Variants in GON4L observed in about 807,000 individuals in gnomAD.
GON4L encodes the protein gon-4 like.
Under a neutral mutation model 211.8 loss-of-function variants are expected in GON4L, and 87 were observed. That is an observed-to-expected ratio of 0.41 (90% confidence interval 0.35 to 0.49). The LOEUF is 0.49. Ranked by LOEUF, GON4L falls within the 20% of genes least tolerant of loss-of-function variation. The pLI, the probability that GON4L is intolerant of heterozygous loss-of-function variation, is 0.15. For synonymous variants in GON4L, 875 were observed against 962.6 expected, an observed-to-expected ratio of 0.91 and a Z score of 1.68; for missense variants, 2,155 against 2,659.5, an observed-to-expected ratio of 0.81 and a Z score of 4.17.
chr1:155,827,924 G>A (rs759551781), intron 2 of GON4L, among the ~76,000 whole-genome samples: 14 of 151,966 alleles, frequency 9.2e-5, no homozygotes, highest in Non-Finnish European at 1.6e-4. Flanking sequence ...CAGGAAGATC[G>A]CTTTAGCCAG....
intron 21 of GON4L, among the ~76,000 whole-genome samples, chr1:155,763,769 G>A (rs1329190373): frequency 6.6e-6 from 1 of 152,118 alleles, no homozygotes; most frequent in Non-Finnish European, 1.5e-5. Flanking sequence ...TTGGGAGGCC[G>A]AGGTGGGTGG....
intron 3 of GON4L, among the ~76,000 whole-genome samples, chr1:155,822,829 T>C (rs1267467235): frequency 6.6e-6 from 1 of 152,206 alleles, no homozygotes; most frequent in African/African-American, 2.4e-5. Flanking sequence ...GTTTTCGCTC[T>C]TTGTTGCCCA....
intron 17 of GON4L, among the ~76,000 whole-genome samples, chr1:155,773,864 C>T (rs1663478916): frequency 6.6e-6 from 1 of 152,124 alleles, no homozygotes; most frequent in Admixed American, 6.6e-5. Context: ...AGCAACAGGT[C>T]AACAGATGTG....
At chr1:155,800,548 ACT>A (rs113355762) in intron 11 of GON4L, among the ~76,000 whole-genome samples, 9,895 of 143,744 alleles carry the variant, frequency 0.069, 401 homozygotes, top group African/African-American at 0.12. Flanking sequence ...CAAGAGTGAA[ACT>A]CTCTCAAAAA....
downstream of GON4L, chr1:155,747,963 TTTTTC>T: frequency 6.3e-7 from 1 of 1,575,472 alleles, no homozygotes; most frequent in South Asian, 1.1e-5. Context: ...CAAACTGGTT[TTTTTC>T]TTTACGAGGA....
chr1:155,769,675 AAAAC>A (rs1180007639), intron 19 of GON4L, among the ~76,000 whole-genome samples: 4 of 152,210 alleles, frequency 2.6e-5, no homozygotes, highest in Non-Finnish European at 5.9e-5. Context: ...TACTCCAAGA[AAAAC>A]AAAATGTTCA....
At chr1:155,833,193 T>C (rs1669957515) in intron 2 of GON4L, among the ~76,000 whole-genome samples, 1 of 152,226 alleles carries the variant, frequency 6.6e-6, no homozygotes, top group South Asian at 2.1e-4. Flanking sequence ...ATTACACTTA[T>C]CAATAACTGA....
intron 18 of GON4L, among the ~76,000 whole-genome samples, chr1:155,772,782 G>A (rs557723777): frequency 4.0e-5 from 6 of 151,736 alleles, no homozygotes; most frequent in Non-Finnish European, 7.4e-5. Flanking sequence ...AAATAAAAGC[G>A]AACCTCCTGC....
intron 21 of GON4L, 68 bp from the exon 22 acceptor site, chr1:155,763,632 C>T (rs1227891455): frequency 2.3e-6 from 3 of 1,321,522 alleles, no homozygotes; most frequent in Non-Finnish European, 3.1e-6. Context: ...CAACACAAAG[C>T]TATATCAGGA....
chr1:155,814,202 A>C (rs1668031843), intron 9 of GON4L, 128 bp downstream of exon 9: 13 of 981,072 alleles, frequency 1.3e-5, no homozygotes, highest in Non-Finnish European at 2.1e-5. Context: ...TGAACTGTTT[A>C]CTAACTTAAG....
intron 9 of GON4L, among the ~76,000 whole-genome samples, chr1:155,814,104 GA>G (rs972146236): frequency 6.6e-6 from 1 of 152,206 alleles, no homozygotes; most frequent in African/African-American, 2.4e-5. Context: ...AAGGGTAGGA[GA>G]AAAGAAACTC....
chr1:155,764,723 G>A, intron 21 of GON4L: 2 of 979,412 alleles, frequency 2.0e-6, no homozygotes, highest in South Asian at 1.6e-5. Flanking sequence ...ACAGGAGTGA[G>A]CCACCAAGCC....
chr1:155,815,781 T>C, intron 8 of GON4L, 24 bp downstream of exon 8: 2 of 1,269,150 alleles, frequency 1.6e-6, no homozygotes, highest in Non-Finnish European at 2.2e-6. Flanking sequence ...TTAAGACAAA[T>C]ATTACCAACT....
At position 155,753,330 on chromosome 1, in the gene GON4L, C is replaced by T; in HGVS notation, c.5716G>A (p.Gly1906Ser). ...SPHREASPMP[G>S]AKEAGQGKDM... Reference sequence around the variant, plus strand: ...TTGCCCTGCCCAGCTTCCTTAGCACCAGGCATAGGACTAGCCTCTCGGTGG... The same window carrying T: ...TTGCCCTGCCCAGCTTCCTTAGCACTAGGCATAGGACTAGCCTCTCGGTGG... The change falls in exon 29 of 32, where the codon GGT (glycine) becomes AGT (serine). Residue 1906 changes from glycine to serine, a missense_variant. Around this residue, in one of 6 missense-constraint regions of GON4L, gnomAD observed 455 missense variants for 504.6 expected, o/e 0.90. Transcript: ENST00000368331. The T allele has an allele frequency of 6.2e-7, 1 of 1,613,410 alleles. No individual in the cohort carries two copies. Among genetic ancestry groups the T allele is most frequent in the Non-Finnish European group, 8.5e-7 (1 of 1,179,480 alleles).
At position 155,752,180 on chromosome 1, in the gene GON4L, C is replaced by G; in HGVS notation, c.6253G>C (p.Val2085Leu). The change falls in exon 30 of 32, where the codon GTG becomes CTG. Residue 2085 changes from valine to leucine, a missense_variant. By Grantham distance (32) the Val-to-Leu change is conservative. Transcript: ENST00000368331. ...GGGCACGTCCTGTCTCTTGTCTTCA[C>G]CCGAGCTCTGCTTGAGGGCAGCCAT... ...ERWLPSSRAR[V>L]KTRDRTCPVH... 6.2e-7 allele frequency: 1 copy of G among 1,613,676 alleles called. No homozygotes were observed. The highest frequency in any genetic ancestry group is 8.5e-7 in the Non-Finnish European group (1 of 1,179,704).
At chr1:155,757,630 C>T (rs1158413382) in intron 25 of GON4L, among the ~76,000 whole-genome samples, 6 of 145,008 alleles carry the variant, frequency 4.1e-5, no homozygotes, top group African/African-American at 2.6e-5. Flanking sequence ...GAACCTCCTT[C>T]GCTGAACATC....
chr1:155,834,661 C>A (rs775020322), intron 2 of GON4L, among the ~76,000 whole-genome samples: 1 of 152,166 alleles, frequency 6.6e-6, no homozygotes, highest in Non-Finnish European at 1.5e-5. Context: ...TCCTGTTGCC[C>A]TCCTTTTATC....
At chr1:155,828,716 G>A (rs1426452460) in intron 2 of GON4L, among the ~76,000 whole-genome samples, 3 of 150,462 alleles carry the variant, frequency 2.0e-5, no homozygotes, top group East Asian at 3.9e-4. Flanking sequence ...GCTGAGGTAG[G>A]AGAACTGCTT....
chr1:155,853,138 C>A, intron 2 of GON4L, 138 bp downstream of exon 2: 1 of 847,514 alleles, frequency 1.2e-6, no homozygotes, highest in Non-Finnish European at 2.0e-6. Context: ...CACTGTTGAC[C>A]CTTAGCAACA....
Sources: gnomAD v4.1 joint callset for allele counts (sites outside exome capture counted in the v4.1 genomes callset) on GRCh38, gnomAD v4.1.1 for gene constraint, gnomAD v4.1.1 regional missense constraint, MANE v1.5 for transcripts, NCBI Gene and HGNC (gene_info 2026-07-23, HGNC 2026-07-21) for gene names.